Variants in C10orf53 observed in about 807,000 individuals in gnomAD.
C10orf53 encodes UPF0728 protein C10orf53.
In C10orf53, 8 loss-of-function variants were observed where a neutral mutation model predicts 9.4. The observed-to-expected ratio is 0.85, with a 90% CI of 0.50 to 1.53. C10orf53 has a LOEUF of 1.53. Ranked by LOEUF, C10orf53 falls within the 40% of genes most tolerant of loss-of-function variation. The probability of loss-of-function intolerance (pLI) is 0.00; values close to 1 mark genes in which losing one functional copy is unlikely to be tolerated. For missense variants in C10orf53, 117 were observed against 117.8 expected, an observed-to-expected ratio of 0.99 and a Z score of 0.03; for synonymous variants, 48 against 46.0, an observed-to-expected ratio of 1.04 and a Z score of -0.18.
chr10:49,702,369 G>A (rs1023751730), downstream of C10orf53, among the ~76,000 whole-genome samples: 1 of 152,076 alleles, frequency 6.6e-6, no homozygotes, highest in Non-Finnish European at 1.5e-5. Flanking sequence ...GTTTCTGTGA[G>A]GATATTTCTG....
intron 2 of C10orf53, chr10:49,708,248 T>C (rs1840736196): frequency 1.4e-6 from 2 of 1,471,272 alleles, no homozygotes; most frequent in Admixed American, 2.5e-5. Context: ...TTGGTTTGTA[T>C]ACCTGAAAAG....
intron 1 of C10orf53, among the ~76,000 whole-genome samples, chr10:49,684,981 TA>T (rs1317343927): frequency 2.0e-5 from 3 of 152,204 alleles, no homozygotes; most frequent in African/African-American, 7.2e-5. Context: ...TTGAAGGCCT[TA>T]AGAGAACAAA....
exon 3 of C10orf53, chr10:49,708,644 G>A: frequency 5.6e-6 from 9 of 1,608,420 alleles, no homozygotes; most frequent in Non-Finnish European, 5.9e-6. Flanking sequence ...TGTGGGAAAG[G>A]GGTTCATTTC....
chr10:49,688,686 C>T (rs2132878490), intron 1 of C10orf53, among the ~76,000 whole-genome samples: 1 of 151,438 alleles, frequency 6.6e-6, no homozygotes, highest in Non-Finnish European at 1.5e-5. Context: ...GCTGCAGCCA[C>T]AGCCACCTCC....
At chr10:49,680,311 G>C (rs1337745051) in intron 1 of C10orf53, among the ~76,000 whole-genome samples, 2 of 152,220 alleles carry the variant, frequency 1.3e-5, no homozygotes, top group African/African-American at 4.8e-5. Flanking sequence ...AGGCTAGGTG[G>C]TGCCATGGGA....
At chr10:49,708,690 G>T in exon 3 of C10orf53, 1 of 1,564,570 alleles carries the variant, frequency 6.4e-7, no homozygotes, top group South Asian at 1.2e-5. Flanking sequence ...TCCAGAATAA[G>T]GGTGAATAGA....
rs375603494 is a variant in C10orf53, at chr10:49,694,630, C to T, written c.*28C>T. 14 of 1,613,874 alleles carry T rather than the reference C, an allele frequency of 8.7e-6. No homozygotes were observed. Among genetic ancestry groups the T allele is most frequent in the South Asian group, 4.4e-5 (4 of 91,028 alleles). The stretch of plus-strand genomic sequence containing the variant: ...TCCTCATGGAACAGGCATCTCAAGT[C>T]GGCACAACAGCAGCTGCCCCAGCCA... On this transcript the variant is annotated 3_prime_UTR_variant, in exon 3 of 3. Transcript: ENST00000374111.
chr10:49,679,834 CTCTGAGCA>C lies in C10orf53; in HGVS notation c.97+43_97+50del. The C allele has an allele frequency of 2.7e-6, 4 of 1,500,116 alleles. No individual in the cohort carries two copies. In the South Asian group the frequency reaches 3.7e-5, roughly 14 times the overall value. 92.9% of individuals were successfully genotyped at this position (1,500,116 alleles called of 1,614,324 possible). A position where few individuals can be genotyped will look rare whatever the true frequency, so the allele number is the denominator to read the frequency against. On this transcript the variant is annotated intron_variant, in intron 1 of 2. Transcript: ENST00000374111. ...CGCGTGCGCCCCTGAGGGCCCCAGC[CTCTGAGCA>C]TCCGTGCAGGTGGTGCCCTGTGCCT...
At chr10:49,707,738 G>A (rs967902694) in intron 2 of C10orf53, among the ~76,000 whole-genome samples, 3 of 152,058 alleles carry the variant, frequency 2.0e-5, no homozygotes, top group Non-Finnish European at 4.4e-5. Flanking sequence ...CAGTGGAGTG[G>A]CATGGAAGCC....
downstream of C10orf53, among the ~76,000 whole-genome samples, chr10:49,702,088 T>C (rs1840687554): frequency 6.6e-6 from 1 of 151,994 alleles, no homozygotes; most frequent in Non-Finnish European, 1.5e-5. Context: ...TCTCAGCTAC[T>C]TGGGAGGCTG....
chr10:49,684,944 A>G (rs904666589), intron 1 of C10orf53, among the ~76,000 whole-genome samples: 8 of 152,218 alleles, frequency 5.3e-5, no homozygotes, highest in Non-Finnish European at 1.0e-4. Flanking sequence ...TTAAGGGGAA[A>G]ACGTTCAGTG....
intron 1 of C10orf53, among the ~76,000 whole-genome samples, chr10:49,687,478 G>C (rs1214710505): frequency 6.6e-6 from 1 of 152,202 alleles, no homozygotes; most frequent in African/African-American, 2.4e-5. Context: ...GGGCTCTGAA[G>C]TCAACACATA....
chr10:49,684,572 C>G (rs1590638916), intron 1 of C10orf53, among the ~76,000 whole-genome samples: 1 of 90,582 alleles, frequency 1.1e-5, no homozygotes, highest in Non-Finnish European at 2.2e-5. Context: ...AGACTTGCAC[C>G]TAATTGTTTG....
chr10:49,682,528 C>A (rs529089088), intron 1 of C10orf53, among the ~76,000 whole-genome samples: 1 of 148,252 alleles, frequency 6.7e-6, no homozygotes, highest in African/African-American at 2.5e-5. Flanking sequence ...TCTCCCAAAG[C>A]GTGGAGGGGG....
chr10:49,694,173 G>A (rs1270385888), intron 2 of C10orf53: 3 of 593,500 alleles, frequency 5.1e-6, no homozygotes, highest in African/African-American at 1.9e-5. Flanking sequence ...GGAATTAAGG[G>A]ATAATAGGTT....
chr10:49,698,401 G>A (rs1209401439), downstream of C10orf53, among the ~76,000 whole-genome samples: 2 of 152,166 alleles, frequency 1.3e-5, no homozygotes, highest in African/African-American at 2.4e-5. Context: ...GTGTGGAGAC[G>A]AAGGGAGGAC....
intron 1 of C10orf53, 22 bp from the exon 2 acceptor site, chr10:49,693,752 C>T (rs1446278240): frequency 6.2e-7 from 1 of 1,610,522 alleles, no homozygotes. Flanking sequence ...ATGTCACTCA[C>T]CTCCTTTTCT....
chr10:49,695,541 G>C lies in C10orf53; in HGVS notation c.*939G>C, dbSNP rs1225744710. 2.6e-5 allele frequency: 4 copies of C among 152,326 alleles called. No individual in the cohort carries two copies. The highest frequency in any genetic ancestry group is 3.4e-3 in the Middle Eastern group (1 of 294). The allele number at this position is 152,326 out of a possible 1,614,324, so 9.4% of individuals were successfully genotyped here. On this transcript the variant is annotated 3_prime_UTR_variant, in exon 3 of 3. Transcript: ENST00000374111. ...GACCCGGGGCACCTGTGCTGAAGGA[G>C]CAGGGCTTTCAGGATCGCTCAGAGA...
downstream of C10orf53, among the ~76,000 whole-genome samples, chr10:49,699,670 G>A (rs530373390): frequency 2.6e-5 from 4 of 152,158 alleles, no homozygotes; most frequent in African/African-American, 4.8e-5. Context: ...TAATTCCACC[G>A]TCACCCTTCC....
Sources: gnomAD v4.1 joint callset for allele counts (sites outside exome capture counted in the v4.1 genomes callset) on GRCh38, gnomAD v4.1.1 for gene constraint, MANE v1.5 for transcripts, NCBI Gene and HGNC (gene_info 2026-07-23, HGNC 2026-07-21) for gene names.